The following EIF2B3 variants were observed in gnomAD, a reference collection of about 807,000 sequenced individuals.
EIF2B3 encodes the protein eukaryotic translation initiation factor 2B subunit gamma.
EIF2B3 carries 20 observed loss-of-function variants against 54.1 expected under a neutral mutation model. The observed-to-expected ratio is 0.37, with a 90% confidence interval of 0.26 to 0.54. The LOEUF is 0.54. EIF2B3 is among the 20% of genes least tolerant of loss of function. The probability of loss-of-function intolerance (pLI) is 0.86; values close to 1 mark genes in which losing one functional copy is unlikely to be tolerated. For synonymous variants in EIF2B3, 153 were observed against 188.1 expected (o/e 0.81, Z 1.52); for missense variants, 448 against 547.8 (o/e 0.82, Z 1.82).
chr1:44,951,990 T>C (rs1305753888), intron 3 of EIF2B3, among the ~76,000 whole-genome samples: 1 of 107,862 alleles, frequency 9.3e-6, no homozygotes, highest in African/African-American at 3.6e-5. Context: ...TGAGACGGAG[T>C]CTCGCTCTGT....
intron 10 of EIF2B3, among the ~76,000 whole-genome samples, chr1:44,858,224 A>G (rs765246688): frequency 2.0e-5 from 3 of 151,630 alleles, no homozygotes; most frequent in Non-Finnish European, 4.4e-5. Flanking sequence ...GAACACCACC[A>G]TGTCTGGCTA....
chr1:44,978,621 CTTTTTTTTTT>C lies in EIF2B3; in HGVS notation c.149-171_149-162del, dbSNP rs57964686. Among the ~76,000 whole-genome samples, 18,426 of 75,576 alleles carry C rather than the reference CTTTTTTTTTT, an allele frequency of 0.24. 1,706 individuals are homozygous for C. Among genetic ancestry groups the C allele is most frequent in the Admixed American group, 0.32 (2,023 of 6,338 alleles). 49.6% of individuals were successfully genotyped at this position (75,576 alleles called of 152,430 possible). The stretch of plus-strand genomic sequence containing the variant: ...TTTACCTGCATTCCCCCAATAAATT[CTTTTTTTTTT>C]TTTTTTTTTTTTTTTTTTTTTTACA... On this transcript the variant is annotated intron_variant, in intron 2 of 11. Transcript: ENST00000360403.
chr1:44,968,649 A>G (rs1644369413), intron 3 of EIF2B3, among the ~76,000 whole-genome samples: 1 of 152,210 alleles, frequency 6.6e-6, no homozygotes, highest in South Asian at 2.1e-4. Context: ...CTGTAATCCC[A>G]GCACTTTGGG....
At chr1:44,914,642 G>C (rs1483026644) in intron 5 of EIF2B3, among the ~76,000 whole-genome samples, 1 of 152,126 alleles carries the variant, frequency 6.6e-6, no homozygotes, top group Non-Finnish European at 1.5e-5. Flanking sequence ...GAATTACTAA[G>C]AGTTTAAAAA....
intron 3 of EIF2B3, among the ~76,000 whole-genome samples, chr1:44,966,720 T>C (rs17390983): frequency 0.16 from 24,161 of 152,054 alleles, 2,001 homozygotes; most frequent in Non-Finnish European, 0.17. Context: ...TCAAATCCTA[T>C]ACAAAGTTAT....
At chr1:44,973,405 A>G (rs1408224712) in intron 3 of EIF2B3, among the ~76,000 whole-genome samples, 7 of 152,226 alleles carry the variant, frequency 4.6e-5, no homozygotes, top group Admixed American at 4.6e-4. Flanking sequence ...TACAATATGG[A>G]TGAACCTTGA....
rs60200568 is a variant in EIF2B3, at chr1:44,966,438, CA to C, written c.294+11876del. Among the ~76,000 whole-genome samples the C allele has an allele frequency of 1.7e-3, 145 of 85,956 alleles. 1 individual carries two copies. Among genetic ancestry groups the C allele is most frequent in the South Asian group, 2.8e-3 (7 of 2,462 alleles). The allele number at this position is 85,956 out of a possible 152,430, so 56.4% of individuals were successfully genotyped here. On this transcript the variant is annotated intron_variant, in intron 3 of 11. Transcript: ENST00000360403. ...TGGGCGACAGAGCGAGACTCTGTCT[CA>C]AAAAAAAAAAAAAAAAAGAAGAAGA... is the stretch of plus-strand genomic sequence containing the variant.
At chr1:44,965,662 C>T (rs1488506810) in intron 3 of EIF2B3, among the ~76,000 whole-genome samples, 3 of 107,110 alleles carry the variant, frequency 2.8e-5, no homozygotes, top group African/African-American at 3.9e-5. Context: ...TTTTTTGAGA[C>T]GGAGTCTCAC....
At chr1:44,897,307 G>C (rs375027306) in intron 6 of EIF2B3, 48 bp downstream of exon 6, 8 of 1,387,016 alleles carry the variant, frequency 5.8e-6, no homozygotes, top group Non-Finnish European at 5.1e-6. Flanking sequence ...AATTCACAAA[G>C]TAGCTTGTTA....
In EIF2B3 at chr1:44,983,019, C is replaced by T. The variant is rs190474399; in HGVS notation, c.-9-1842G>A. ...TCCCAACCTCAGGTGATCTGCCCAC[C>T]TTGGCCTCCCAAAGTGCTGGGATTA... is the stretch of plus-strand genomic sequence containing the variant. On this transcript the variant is annotated intron_variant, in intron 1 of 11. Transcript: ENST00000360403. Among the ~76,000 whole-genome samples the T allele has an allele frequency of 5.2e-3, 789 of 151,918 alleles. 10 individuals are homozygous for T. The highest frequency in any genetic ancestry group is 0.018 in the African/African-American group (757 of 41,438).
At chr1:44,883,018 C>A (rs555197902) in intron 6 of EIF2B3, among the ~76,000 whole-genome samples, 1 of 148,746 alleles carries the variant, frequency 6.7e-6, no homozygotes, top group African/African-American at 2.5e-5. Flanking sequence ...CAACCTCCAC[C>A]TCCCAGTTCA....
At chr1:44,870,777 C>T (rs566792775) in intron 10 of EIF2B3, among the ~76,000 whole-genome samples, 4 of 152,100 alleles carry the variant, frequency 2.6e-5, no homozygotes, top group African/African-American at 7.2e-5. Flanking sequence ...CTTAGCCTCC[C>T]GAGTAGCTGG....
chr1:44,900,445 C>CAAAAAAAAAAAAAAAAAAAAAAAAA (rs34226720), intron 5 of EIF2B3, among the ~76,000 whole-genome samples: 1 of 43,572 alleles, frequency 2.3e-5, no homozygotes, highest in Non-Finnish European at 4.4e-5. Flanking sequence ...AGAATCATCT[C>CAAAAAAAAAAAAAAAAAAAAAAAAA]AAAAAAAAAA....
chr1:44,859,306 G>A (rs900091576), intron 10 of EIF2B3, among the ~76,000 whole-genome samples: 9 of 150,580 alleles, frequency 6.0e-5, no homozygotes, highest in African/African-American at 2.2e-4. Flanking sequence ...GTCATAAACG[G>A]AGCATCTTCT....
At chr1:44,976,095 A>G (rs1227244240) in intron 3 of EIF2B3, among the ~76,000 whole-genome samples, 1 of 152,222 alleles carries the variant, frequency 6.6e-6, no homozygotes. Flanking sequence ...CAATAACCAT[A>G]AAAGAAAAAA....
At chr1:44,925,232 C>T (rs991631636) in intron 5 of EIF2B3, 1 of 152,174 alleles carries the variant, frequency 6.6e-6, no homozygotes, top group African/African-American at 2.4e-5. Context: ...GATGTCTGTA[C>T]ACCCACGTTC....
At chr1:44,875,495 C>T in intron 9 of EIF2B3, 123 bp downstream of exon 9, 1 of 877,132 alleles carries the variant, frequency 1.1e-6, no homozygotes, top group Non-Finnish European at 1.9e-6. Context: ...TCTCAGAACC[C>T]ACTGTGATTT....
At chr1:44,897,172 T>C (rs1447413625) in intron 6 of EIF2B3, among the ~76,000 whole-genome samples, 183 bp downstream of exon 6, 4 of 152,232 alleles carry the variant, frequency 2.6e-5, no homozygotes, top group Admixed American at 2.0e-4. Flanking sequence ...GACTCTGTGG[T>C]ACAGATAAAA....
Position 44,963,231 on chromosome 1 carries a change from C to CA in EIF2B3, c.294+15083dup, listed in dbSNP as rs113853826. Among the ~76,000 whole-genome samples the CA allele has an allele frequency of 7.7e-3, 1,139 of 147,358 alleles. 13 individuals carry two copies. The highest frequency in any genetic ancestry group is 0.026 in the African/African-American group (1,051 of 40,060). On this transcript the variant is annotated intron_variant, in intron 3 of 11. Transcript: ENST00000360403. ...TGGACTCAAAAAACAAAAACAAAAA[C>CA]AAAAAAAACAAAACAAAAAAAAACC... is the stretch of plus-strand genomic sequence containing the variant.
Sources: gnomAD v4.1 joint callset for allele counts (sites outside exome capture counted in the v4.1 genomes callset) on GRCh38, gnomAD v4.1.1 for gene constraint, MANE v1.5 for transcripts, NCBI Gene and HGNC (gene_info 2026-07-23, HGNC 2026-07-21) for gene names.